The following ZC3H18 variants were observed in gnomAD, a reference collection of about 807,000 sequenced individuals.
The protein encoded by ZC3H18 is zinc finger CCCH-type containing 18.
In ZC3H18, 8 loss-of-function variants were observed where a neutral mutation model predicts 106.1. The ratio of observed to expected loss-of-function variants is 0.08; its 90% CI spans 0.04 to 0.14. The LOEUF (loss-of-function observed/expected upper bound fraction) is 0.14. Among genes scored for constraint, ZC3H18 ranks in the 10% least tolerant of loss-of-function variants. The probability of loss-of-function intolerance (pLI) is 1.00; values close to 1 mark genes in which losing one functional copy is unlikely to be tolerated. For missense variants in ZC3H18, 1,318 were observed against 1,278.4 expected (o/e 1.03, Z -0.47); for synonymous variants, 635 against 522.1 (o/e 1.22, Z -2.95).
intron 2 of ZC3H18, among the ~76,000 whole-genome samples, chr16:88,578,473 G>C (rs1404932276): frequency 1.3e-5 from 2 of 152,034 alleles, no homozygotes; most frequent in Non-Finnish European, 2.9e-5. Flanking sequence ...ACTTGCCGGA[G>C]CTATTGAACT....
At chr16:88,580,055 C>G (rs368221907) in intron 2 of ZC3H18, among the ~76,000 whole-genome samples, 4 of 152,252 alleles carry the variant, frequency 2.6e-5, no homozygotes, top group African/African-American at 9.6e-5. Context: ...TTCCCACGCC[C>G]AGCAGCGTTT....
chr16:88,585,037 G>T (rs1395667891), intron 2 of ZC3H18, among the ~76,000 whole-genome samples: 1 of 152,214 alleles, frequency 6.6e-6, no homozygotes, highest in Non-Finnish European at 1.5e-5. Flanking sequence ...TTAGTGTGGT[G>T]CTCATTACTG....
chr16:88,609,659 G>C (rs1349535442), intron 7 of ZC3H18, among the ~76,000 whole-genome samples: 1 of 152,072 alleles, frequency 6.6e-6, no homozygotes, highest in African/African-American at 2.4e-5. Context: ...GAGTTCAGTG[G>C]CGTGATCTCA....
In ZC3H18 at chr16:88,598,666, C is replaced by T. The variant is rs1303230468; in HGVS notation, c.884C>T (p.Pro295Leu). Residue 295 changes from proline (P) to leucine (L), a missense_variant, in exon 5 of 18, where the codon CCC (proline) becomes CTC (leucine). Coordinates refer to ENST00000301011, the MANE Select transcript of ZC3H18 (RefSeq NM_144604.4). ...DEILPPPPPE[P>L]PTESAWERGL... ...ATTTTGCCTCCACCCCCTCCAGAGCCCCCAACAGAGAGTGCCTGGGAACGA... is the reference window on the plus strand; with the variant it reads ...ATTTTGCCTCCACCCCCTCCAGAGCTCCCAACAGAGAGTGCCTGGGAACGA... 6.2e-7 allele frequency: 1 copy of T among 1,613,294 alleles called. No homozygotes were observed. The highest frequency in any genetic ancestry group is 8.5e-7 in the Non-Finnish European group (1 of 1,179,662).
intron 8 of ZC3H18, among the ~76,000 whole-genome samples, chr16:88,611,920 C>G (rs1304604316): frequency 1.3e-5 from 2 of 152,200 alleles, no homozygotes; most frequent in African/African-American, 4.8e-5. Context: ...GTTCTGAATT[C>G]CAAAGCATGC....
intron 3 of ZC3H18, among the ~76,000 whole-genome samples, chr16:88,589,187 G>A (rs907352860): frequency 6.6e-6 from 1 of 152,210 alleles, no homozygotes; most frequent in Non-Finnish European, 1.5e-5. Context: ...TGTTGGCAAG[G>A]ATATGGAGAT....
intron 1 of ZC3H18, among the ~76,000 whole-genome samples, chr16:88,576,108 G>A (rs936191278): frequency 6.6e-6 from 1 of 152,124 alleles, no homozygotes; most frequent in Admixed American, 6.5e-5. Context: ...CACCGTGTTA[G>A]CCAGGATGGT....
rs1315548086 is a variant in ZC3H18, at chr16:88,571,584, C to T, written c.-15+1018C>T. 3.0e-6 allele frequency: 3 copies of T among 984,706 alleles called. No homozygotes were observed. In the East Asian group the frequency reaches 3.4e-4, roughly 112 times the overall value. The allele number at this position is 984,706 out of a possible 1,614,324, so 61.0% of individuals were successfully genotyped here. A position where few individuals can be genotyped will look rare whatever the true frequency, so the allele number is the denominator to read the frequency against. On this transcript the variant is annotated intron_variant, in intron 1 of 17. Transcript: ENST00000301011. ...AGCCCTGGAACCAGTCAAATGTGTCCCAAAGCCGGAAACTCCTCTCCCGTT... is the reference window on the plus strand; with the variant it reads ...AGCCCTGGAACCAGTCAAATGTGTCTCAAAGCCGGAAACTCCTCTCCCGTT...
intron 3 of ZC3H18, among the ~76,000 whole-genome samples, chr16:88,591,001 T>TGAA (rs1915720523): frequency 6.8e-6 from 1 of 147,018 alleles, no homozygotes; most frequent in African/African-American, 2.5e-5. Context: ...GATGGAGTCT[T>TGAA]GCTCTGTCAC....
chr16:88,618,540 C>T (rs1468823715), intron 8 of ZC3H18, among the ~76,000 whole-genome samples: 1 of 152,218 alleles, frequency 6.6e-6, no homozygotes, highest in Non-Finnish European at 1.5e-5. Context: ...GACACGTGGC[C>T]TGTAGCAGCC....
intron 8 of ZC3H18, 67 bp downstream of exon 8, chr16:88,611,603 C>T (rs1331558479): frequency 1.3e-6 from 2 of 1,506,314 alleles, no homozygotes; most frequent in East Asian, 4.9e-5. Context: ...TACCTAGTCC[C>T]CCTGGCCTGC....
chr16:88,611,519 C>T lies in ZC3H18; in HGVS notation c.1458C>T (p.Arg486=). The change falls in exon 8 of 18, where the codon CGC becomes CGT. Residue 486 remains arginine (R), a synonymous_variant. Transcript: ENST00000301011. ...AGGAGAAGGGGAAGCCCAAGCCCCG[C>T]TCCCCGCAGCCGCCAAGGTAGACCC... The part of the protein sequence containing the change: ...REKEKGKPKP[R]SPQPPSRQAE... 1.3e-6 allele frequency: 2 copies of T among 1,550,084 alleles called. No homozygotes were observed. The highest frequency in any genetic ancestry group is 1.7e-6 in the Non-Finnish European group (2 of 1,146,692).
intron 17 of ZC3H18, 133 bp from the exon 18 acceptor site, chr16:88,630,967 TG>T: frequency 8.9e-7 from 1 of 1,128,534 alleles, no homozygotes; most frequent in Non-Finnish European, 1.3e-6. Flanking sequence ...AGTGGGAGCC[TG>T]GCCATCCAGG....
intron 6 of ZC3H18, among the ~76,000 whole-genome samples, chr16:88,604,908 G>A (rs1276857139): frequency 6.6e-6 from 1 of 152,122 alleles, no homozygotes; most frequent in Non-Finnish European, 1.5e-5. Flanking sequence ...CAGGGCCATG[G>A]ACTGGGCCCC....
chr16:88,588,412 T>C (rs1450572525), intron 3 of ZC3H18, among the ~76,000 whole-genome samples: 1 of 152,222 alleles, frequency 6.6e-6, no homozygotes, highest in Non-Finnish European at 1.5e-5. Flanking sequence ...AGGGAGACTC[T>C]GGACCAGGAG....
rs1905938742 is a variant in ZC3H18 at position 88,621,234 on chromosome 16, T to A, written c.1476-963T>A. 1.3e-5 allele frequency among the ~76,000 whole-genome samples: 2 copies of A among 150,810 alleles called. 1 individual carries two copies. On this transcript the variant is annotated intron_variant, in intron 8 of 17. Coordinates refer to ENST00000301011, the MANE Select transcript of ZC3H18 (RefSeq NM_144604.4). ...TAATTTTTGTTTTTGTTTTTATTTT[T>A]TTTTTTTTGAGACAGAGTCTCGCTC... is the stretch of plus-strand genomic sequence containing the variant.
chr16:88,615,351 G>A (rs958383668), intron 8 of ZC3H18, among the ~76,000 whole-genome samples: 1 of 152,054 alleles, frequency 6.6e-6, no homozygotes, highest in Non-Finnish European at 1.5e-5. Context: ...TGTTCCTCAT[G>A]GCCCTCAGTG....
intron 2 of ZC3H18, among the ~76,000 whole-genome samples, chr16:88,584,498 C>G (rs1915322768): frequency 6.6e-6 from 1 of 151,000 alleles, no homozygotes; most frequent in Admixed American, 6.6e-5. Flanking sequence ...GTTGAAAATT[C>G]ACAATATTAT....
intron 6 of ZC3H18, among the ~76,000 whole-genome samples, chr16:88,607,110 C>G (rs888317585): frequency 1.3e-5 from 2 of 152,192 alleles, no homozygotes; most frequent in Non-Finnish European, 2.9e-5. Flanking sequence ...GGAAGAGAGC[C>G]TGACCTTCCC....
Sources: allele counts gnomAD v4.1 joint callset (sites outside exome capture counted in the v4.1 genomes callset), GRCh38; gene constraint gnomAD v4.1.1; transcripts MANE v1.5; gene names NCBI Gene and HGNC (gene_info 2026-07-23, HGNC 2026-07-21).